The following COL15A1 variants were observed in gnomAD, a reference collection of about 807,000 sequenced individuals.
COL15A1 encodes the protein collagen type XV alpha 1 chain, also known as collagen alpha-1(XV) chain.
In COL15A1, 111 loss-of-function variants were observed where a neutral mutation model predicts 165.9. The ratio of observed to expected loss-of-function variants is 0.67; its 90% CI spans 0.57 to 0.78. The LOEUF is 0.78. Ranked by LOEUF, COL15A1 falls within the 30% of genes least tolerant of loss-of-function variation. The pLI, the probability that COL15A1 is intolerant of heterozygous loss-of-function variation, is 0.00. For missense variants in COL15A1, 1,745 were observed against 1,789.7 expected (o/e 0.98, Z 0.45); for synonymous variants, 659 against 674.8 (o/e 0.98, Z 0.36).
chr9:99,036,265 T>A, intron 20 of COL15A1, 48 bp from the exon 21 acceptor site: 3 of 1,613,846 alleles, frequency 1.9e-6, no homozygotes, highest in Non-Finnish European at 8.5e-7. Context: ...CTGGGAGCAT[T>A]ATCGCTGTAC....
chr9:98,943,962 G>C lies in COL15A1; in HGVS notation c.-100G>C. 5.9e-6 allele frequency: 9 copies of C among 1,530,680 alleles called. No homozygotes were observed. The highest frequency in any genetic ancestry group is 8.0e-6 in the Non-Finnish European group (9 of 1,122,648). The allele number at this position is 1,530,680 out of a possible 1,614,324, so 94.8% of individuals were successfully genotyped here. On this transcript the variant is annotated 5_prime_UTR_variant, in exon 1 of 42. Transcript: ENST00000375001. Reference sequence around the variant, plus strand: ...CGCCTTTGTTCCCTGCAGGAAGGGCGAGCGCGGCGGCCAGCGCTCAGCGAC... The same window carrying C: ...CGCCTTTGTTCCCTGCAGGAAGGGCCAGCGCGGCGGCCAGCGCTCAGCGAC...
chr9:99,036,227 G>T (rs199692982), intron 20 of COL15A1, 22 bp downstream of exon 20: 1 of 1,613,148 alleles, frequency 6.2e-7, no homozygotes, highest in East Asian at 2.2e-5. Context: ...GAGCCAAGGT[G>T]GGGGTGGGAG....
chr9:99,018,995 C>T (rs1436541889), intron 11 of COL15A1, among the ~76,000 whole-genome samples: 1 of 151,936 alleles, frequency 6.6e-6, no homozygotes, highest in African/African-American at 2.4e-5. Context: ...GAGAGACAGA[C>T]ACAGAGAGAG....
chr9:99,023,984 C>T (rs552938463), intron 14 of COL15A1, among the ~76,000 whole-genome samples: 106 of 152,326 alleles, frequency 7.0e-4, no homozygotes, highest in African/African-American at 2.4e-3. Flanking sequence ...GGAGCTCCAC[C>T]AGTCCTTTCT....
chr9:98,984,561 G>T (rs1015815850), intron 2 of COL15A1, among the ~76,000 whole-genome samples: 1 of 152,228 alleles, frequency 6.6e-6, no homozygotes, highest in Non-Finnish European at 1.5e-5. Context: ...TAGGTTTGTT[G>T]TGAGGATTAC....
intron 36 of COL15A1, among the ~76,000 whole-genome samples, chr9:99,061,604 C>T (rs1825816937): frequency 1.3e-5 from 2 of 152,188 alleles, no homozygotes; most frequent in South Asian, 2.1e-4. Context: ...GTTAGTGCCA[C>T]CAAGTAGCTT....
rs754507271 is a variant in COL15A1 at position 99,005,060 on chromosome 9, G to T, written c.1353+10G>T. On this transcript the variant is annotated intron_variant, in intron 9 of 41. Transcript: ENST00000375001. ...GGAAGAGGCCACTGTGGTAAGGATCGTACAGTGCCCAAAGGTTGAGGTCAT... is the reference window on the plus strand; with the variant it reads ...GGAAGAGGCCACTGTGGTAAGGATCTTACAGTGCCCAAAGGTTGAGGTCAT... The T allele has an allele frequency of 1.9e-6, 3 of 1,585,094 alleles. No individual in the cohort carries two copies. Among genetic ancestry groups the T allele is most frequent in the African/African-American group, 2.7e-5 (2 of 73,998 alleles).
chr9:99,022,953 C>A (rs1007697823), intron 13 of COL15A1, among the ~76,000 whole-genome samples: 5 of 152,178 alleles, frequency 3.3e-5, no homozygotes, highest in African/African-American at 1.2e-4. Flanking sequence ...GCCGATGGAC[C>A]CACGCACAAC....
intron 39 of COL15A1, among the ~76,000 whole-genome samples, chr9:99,064,661 C>T (rs955013490): frequency 6.6e-6 from 1 of 152,172 alleles, no homozygotes; most frequent in African/African-American, 2.4e-5. Flanking sequence ...AGGAAGAAAG[C>T]AAGCCAAGCA....
intron 11 of COL15A1, among the ~76,000 whole-genome samples, chr9:99,018,860 A>G (rs1443623424): frequency 2.0e-5 from 3 of 152,222 alleles, no homozygotes; most frequent in Non-Finnish European, 2.9e-5. Context: ...CTGTTGCCTC[A>G]AAGTGGTGGA....
rs551761119 is a variant in COL15A1, at chr9:99,040,404, T to C, written c.2476-117T>C. The C allele has an allele frequency of 2.2e-5, 34 of 1,545,872 alleles. No individual in the cohort carries two copies. The African/African-American group carries it at 4.3e-4, about 20-fold the overall frequency. ...TCTTCCCTAATGCTGTGTCAATCCG[T>C]CTTCCCAGCTGTGGGAACATGCTGA... On this transcript the variant is annotated intron_variant, in intron 22 of 41. Coordinates refer to ENST00000375001, the MANE Select transcript of COL15A1 (RefSeq NM_001855.5).
chr9:98,987,660 C>G (rs1838339121), intron 4 of COL15A1, among the ~76,000 whole-genome samples: 1 of 152,150 alleles, frequency 6.6e-6, no homozygotes, highest in Admixed American at 6.5e-5. Context: ...ATTCTAAAAT[C>G]AAAGTTAAAA....
At chr9:99,028,200 T>C (rs1839159840) in intron 16 of COL15A1, among the ~76,000 whole-genome samples, 1 of 152,220 alleles carries the variant, frequency 6.6e-6, no homozygotes, top group Non-Finnish European at 1.5e-5. Context: ...GAGTTTTCTC[T>C]ACAAAGAATA....
intron 2 of COL15A1, among the ~76,000 whole-genome samples, chr9:98,953,103 C>G (rs770010983): frequency 3.9e-5 from 6 of 152,112 alleles, no homozygotes; most frequent in Non-Finnish European, 8.8e-5. Flanking sequence ...AAAAAGGAGG[C>G]AATCTTACAA....
chr9:99,015,003 T>C (rs559447985), intron 9 of COL15A1, among the ~76,000 whole-genome samples: 10 of 152,210 alleles, frequency 6.6e-5, no homozygotes, highest in Non-Finnish European at 1.5e-4. Flanking sequence ...AATTTCCTTA[T>C]GGACAAATTA....
At chr9:98,956,741 G>C (rs751480169) in intron 2 of COL15A1, among the ~76,000 whole-genome samples, 2 of 152,162 alleles carry the variant, frequency 1.3e-5, no homozygotes, top group Non-Finnish European at 2.9e-5. Flanking sequence ...ATCTTGCTAC[G>C]TGTGGTCCAT....
intron 13 of COL15A1, among the ~76,000 whole-genome samples, chr9:99,022,536 C>T (rs1271084286): frequency 6.6e-6 from 1 of 152,176 alleles, no homozygotes; most frequent in Admixed American, 6.5e-5. Context: ...CCCATGTCCC[C>T]CTGAGTCTAG....
intron 17 of COL15A1, 90 bp downstream of exon 17, chr9:99,034,674 G>C: frequency 6.8e-7 from 1 of 1,465,896 alleles, no homozygotes; most frequent in East Asian, 2.5e-5. Flanking sequence ...TGCTGGGCTG[G>C]AATATTGAAC....
At chr9:98,955,530 C>T (rs1837762709) in intron 2 of COL15A1, among the ~76,000 whole-genome samples, 1 of 152,008 alleles carries the variant, frequency 6.6e-6, no homozygotes, top group South Asian at 2.1e-4. Flanking sequence ...CATTATGAAC[C>T]TTTGACCAGC....
Sources: gnomAD v4.1 joint callset for allele counts (sites outside exome capture counted in the v4.1 genomes callset) on GRCh38, gnomAD v4.1.1 for gene constraint, MANE v1.5 for transcripts, NCBI Gene and HGNC (gene_info 2026-07-23, HGNC 2026-07-21) for gene names.